The following MXRA7 variants were observed in gnomAD, a reference collection of about 807,000 sequenced individuals.
MXRA7 encodes the protein matrix-remodeling-associated protein 7.
A neutral mutation model predicts 17.4 loss-of-function variants in MXRA7; 18 were observed. That is an observed-to-expected ratio of 1.03 (90% confidence interval 0.71 to 1.53). The LOEUF is 1.53. MXRA7 is among the 40% of genes most tolerant of loss of function. The probability of loss-of-function intolerance (pLI) is 0.00; values close to 1 mark genes in which losing one functional copy is unlikely to be tolerated. For missense variants in MXRA7, 141 were observed against 209.3 expected (o/e 0.67, Z 2.01); for synonymous variants, 70 against 101.7 (o/e 0.69, Z 1.87).
intron 1 of MXRA7, chr17:76,689,498 A>G (rs543343154): frequency 6.6e-6 from 1 of 152,286 alleles, no homozygotes; most frequent in East Asian, 1.9e-4. Context: ...AGTGCTATCT[A>G]TGGCGAAGTG....
chr17:76,710,516 GC>G (rs1425768787), intron 1 of MXRA7, 88 bp downstream of exon 1: 1 of 1,097,830 alleles, frequency 9.1e-7, no homozygotes, highest in Non-Finnish European at 1.1e-6. Flanking sequence ...GCTGGAGGCC[GC>G]GGCCCCGCTC....
At chr17:76,688,426 C>A in intron 1 of MXRA7, 1 of 1,373,588 alleles carries the variant, frequency 7.3e-7, no homozygotes, top group South Asian at 1.8e-5. Context: ...AGCCCTCGGC[C>A]TTGGCCTTTC....
At chr17:76,673,471 TG>T (rs2076217468) in exon 4 of MXRA7, 1 of 152,238 alleles carries the variant, frequency 6.6e-6, no homozygotes, top group East Asian at 1.9e-4. Flanking sequence ...TGATTCCATG[TG>T]GACTATACTG....
At chr17:76,685,015 G>A in intron 3 of MXRA7, 57 bp downstream of exon 3, 1 of 1,461,506 alleles carries the variant, frequency 6.8e-7, no homozygotes, top group Non-Finnish European at 9.6e-7. Flanking sequence ...AGGGCTCAGA[G>A]GGGCACCCCC....
intron 3 of MXRA7, chr17:76,683,991 C>A: frequency 7.9e-7 from 1 of 1,269,728 alleles, no homozygotes; most frequent in Non-Finnish European, 1.2e-6. Flanking sequence ...CCTGAGGACT[C>A]GGGGCTCCTG....
At chr17:76,687,591 A>G (rs1433790787) in intron 2 of MXRA7, among the ~76,000 whole-genome samples, 3 of 152,018 alleles carry the variant, frequency 2.0e-5, no homozygotes. Flanking sequence ...GCCGGGTCCG[A>G]TCTGGCAGTG....
intron 1 of MXRA7, among the ~76,000 whole-genome samples, chr17:76,693,475 CAAAAAAA>C (rs59677254): frequency 5.1e-5 from 5 of 98,634 alleles, no homozygotes; most frequent in South Asian, 3.3e-4. Context: ...AGATCTGTCT[CAAAAAAA>C]AAAAAAAAAA....
rs2076290482 is a variant in MXRA7, at chr17:76,680,665, C to G, written c.*202G>C. On this transcript the variant is annotated 3_prime_UTR_variant, in exon 4 of 4. Coordinates refer to ENST00000449428, the MANE Select transcript of MXRA7 (RefSeq NM_198530.4). ...AGGAACAGACATGAACATCTCTACA[C>G]AGGGCAGGGCCAAAGGTGTTCCCAG... 4.9e-6 allele frequency: 7 copies of G among 1,415,972 alleles called. No homozygotes were observed. The South Asian group carries it at 8.1e-5, about 16-fold the overall frequency. 87.7% of individuals were successfully genotyped at this position (1,415,972 alleles called of 1,614,324 possible).
At position 76,681,980 on chromosome 17, in the gene MXRA7, G is replaced by T. The variant is rs2076311442; in HGVS notation, c.501-1101C>A. Among the ~76,000 whole-genome samples the T allele has an allele frequency of 6.6e-6, 1 of 152,232 alleles. No homozygotes were observed. The highest frequency in any genetic ancestry group is 6.5e-5 in the Admixed American group (1 of 15,288). ...TGTGTGAAACTCCGGCCCGAGGGGAGAGCTGAGGAGGCGGGCAGACAGTGG... is the reference window on the plus strand; with the variant it reads ...TGTGTGAAACTCCGGCCCGAGGGGATAGCTGAGGAGGCGGGCAGACAGTGG... On this transcript the variant is annotated intron_variant, in intron 3 of 3. Coordinates refer to ENST00000449428, the MANE Select transcript of MXRA7 (RefSeq NM_198530.4). The surrounding 1 kb of genome is among the most constrained non-coding windows in gnomAD (Gnocchi z 4.7).
chr17:76,700,894 G>A (rs1004634656), intron 1 of MXRA7, among the ~76,000 whole-genome samples: 1 of 152,122 alleles, frequency 6.6e-6, no homozygotes, highest in African/African-American at 2.4e-5. Flanking sequence ...GGTGAGGACC[G>A]ACTGCGCGGA....
At chr17:76,695,353 GGT>G (rs71158054) in intron 1 of MXRA7, among the ~76,000 whole-genome samples, 5 of 148,098 alleles carry the variant, frequency 3.4e-5, no homozygotes, top group East Asian at 2.0e-4. Flanking sequence ...TTTAGCTTCA[GGT>G]GTGTGTGTGT....
At chr17:76,672,686 T>C (rs568064836) in exon 4 of MXRA7, 1 of 144,522 alleles carries the variant, frequency 6.9e-6, no homozygotes, top group East Asian at 2.8e-4. Context: ...ACAGCCCAGC[T>C]GACTCTGTGG....
intron 1 of MXRA7, among the ~76,000 whole-genome samples, chr17:76,699,879 GCT>G (rs1310532192): frequency 6.6e-6 from 1 of 152,224 alleles, no homozygotes; most frequent in East Asian, 1.9e-4. Flanking sequence ...ACCCAGAGCA[GCT>G]CTGTTTTTGC....
intron 2 of MXRA7, among the ~76,000 whole-genome samples, chr17:76,685,596 A>C (rs1480228191): frequency 6.6e-6 from 1 of 152,190 alleles, no homozygotes; most frequent in Non-Finnish European, 1.5e-5. Flanking sequence ...GGAAATCTGA[A>C]AACACGCATC....
chr17:76,702,785 T>A (rs1002020461), intron 1 of MXRA7, among the ~76,000 whole-genome samples: 6 of 135,584 alleles, frequency 4.4e-5, no homozygotes, highest in African/African-American at 1.6e-4. Flanking sequence ...CTGGGAGGGG[T>A]AGGTTGCAGT....
At chr17:76,692,623 T>C (rs1418983459) in intron 1 of MXRA7, among the ~76,000 whole-genome samples, 2 of 141,708 alleles carry the variant, frequency 1.4e-5, no homozygotes, top group African/African-American at 5.1e-5. Context: ...GAGAAGGCCT[T>C]ACTAGTATTG....
rs548167094 is a variant in MXRA7 at position 76,704,879 on chromosome 17, C to T, written c.342+5726G>A. On this transcript the variant is annotated intron_variant, in intron 1 of 3. Transcript: ENST00000449428. ...CCTGACCTCCTCATCCTGTTCCATA[C>T]ATCTGTCCTTAACAGTGGCAAGCCC... Among the ~76,000 whole-genome samples the T allele has an allele frequency of 4.0e-5, 6 of 151,470 alleles. No homozygotes were observed. In the South Asian group the frequency reaches 1.0e-3, roughly 26 times the overall value.
chr17:76,673,582 TC>T (rs1170807212), exon 4 of MXRA7: 1 of 152,184 alleles, frequency 6.6e-6, no homozygotes, highest in African/African-American at 2.4e-5. Context: ...GCCCAGTAGA[TC>T]AACTTGGGCT....
intron 1 of MXRA7, among the ~76,000 whole-genome samples, chr17:76,693,658 C>A (rs192739385): frequency 1.4e-4 from 21 of 152,108 alleles, no homozygotes; most frequent in Admixed American, 6.6e-4. Flanking sequence ...CCGCCCTGGG[C>A]AACATGTCAA....
Sources: gnomAD v4.1 joint callset for allele counts (sites outside exome capture counted in the v4.1 genomes callset) on GRCh38, gnomAD v4.1.1 for gene constraint, Gnocchi (gnomAD v3.1) non-coding constraint, MANE v1.5 for transcripts, NCBI Gene and HGNC (gene_info 2026-07-23, HGNC 2026-07-21) for gene names.